TNNI3K: variants seen among roughly 807,000 people sequenced by gnomAD.
TNNI3K encodes TNNI3 interacting kinase, also known as serine/threonine-protein kinase TNNI3K.
TNNI3K carries 140 observed loss-of-function variants against 114.5 expected under a neutral mutation model. The ratio of observed to expected loss-of-function variants is 1.22; its 90% CI spans 1.07 to 1.41. TNNI3K has a LOEUF of 1.41. TNNI3K is among the 40% of genes most tolerant of loss of function. The pLI is 0.00. For synonymous variants in TNNI3K, 347 were observed against 347.5 expected (o/e 1.00, Z 0.02); for missense variants, 1,125 against 1,007.6 (o/e 1.12, Z -1.58).
At chr1:74,357,534 A>C (rs924228589) in intron 11 of TNNI3K, among the ~76,000 whole-genome samples, 1 of 152,114 alleles carries the variant, frequency 6.6e-6, no homozygotes, top group African/African-American at 2.4e-5. Context: ...AGAGTTATAT[A>C]TTCTCTTTTG....
chr1:74,474,866 G>A (rs1668112420), intron 21 of TNNI3K, among the ~76,000 whole-genome samples: 1 of 151,946 alleles, frequency 6.6e-6, no homozygotes, highest in African/African-American at 2.4e-5. Flanking sequence ...GCATTAGAGG[G>A]CCCATTCTTC....
intron 21 of TNNI3K, among the ~76,000 whole-genome samples, chr1:74,465,659 TGGTGGGCAGCTCTGCCCAC>T (rs908350890): frequency 2.9e-4 from 44 of 152,326 alleles, no homozygotes; most frequent in Middle Eastern, 3.4e-3. Context: ...GATGCAGGAC[TGGTGGGCAGCTCTGCCCAC>T]GGCCCTGGCC....
intron 23 of TNNI3K, among the ~76,000 whole-genome samples, chr1:74,496,417 A>T (rs979985078): frequency 6.6e-6 from 1 of 152,174 alleles, no homozygotes; most frequent in African/African-American, 2.4e-5. Flanking sequence ...GTATAGCATT[A>T]TGATTTTGAA....
chr1:74,533,513 A>G (rs994688944), intron 23 of TNNI3K, among the ~76,000 whole-genome samples: 56 of 152,170 alleles, frequency 3.7e-4, no homozygotes, highest in African/African-American at 1.4e-3. Context: ...GTGATTCCTC[A>G]GGGATCTAGA....
At chr1:74,264,127 T>C (rs947687348) in intron 4 of TNNI3K, among the ~76,000 whole-genome samples, 1 of 151,290 alleles carries the variant, frequency 6.6e-6, no homozygotes, top group Non-Finnish European at 1.5e-5. Flanking sequence ...AAAGCAAGGG[T>C]ACAGATAATC....
At position 74,343,682 on chromosome 1, in the gene TNNI3K, G is replaced by A. The variant is rs1037651353; in HGVS notation, c.932+503G>A. 8.5e-5 allele frequency among the ~76,000 whole-genome samples: 13 copies of A among 152,156 alleles called. 1 individual carries two copies. The highest frequency in any genetic ancestry group is 1.8e-4 in the Non-Finnish European group (12 of 68,026). ...AAAGCCTAGTCAGGGTGGCCACTCAGATACCTAAGAAAGCATCAGCTCTTC... is the reference window on the plus strand; with the variant it reads ...AAAGCCTAGTCAGGGTGGCCACTCAAATACCTAAGAAAGCATCAGCTCTTC... On this transcript the variant is annotated intron_variant, in intron 9 of 24. Coordinates refer to ENST00000326637, the MANE Select transcript of TNNI3K (RefSeq NM_015978.3).
At chr1:74,350,902 T>G (rs4480305) in intron 9 of TNNI3K, among the ~76,000 whole-genome samples, 116,131 of 151,144 alleles carry the variant, frequency 0.77, 47,648 homozygotes, top group East Asian at 0.91. Context: ...CACACTGATG[T>G]GTCTTGACTC....
chr1:74,374,322 T>C (rs780836831), intron 17 of TNNI3K: 1 of 151,932 alleles, frequency 6.6e-6, no homozygotes, highest in Non-Finnish European at 1.5e-5. Context: ...TATCACCATA[T>C]GAAAGGAGCT....
At position 74,484,037 on chromosome 1, in the gene TNNI3K, T is replaced by C. The variant is rs149365541; in HGVS notation, c.2122-5152T>C. ...TTTTTCATGTGTAAAATAGAAATAA[T>C]AAATGTCTACAGTACAGAGTATTAT... is the stretch of plus-strand genomic sequence containing the variant. On this transcript the variant is annotated intron_variant, in intron 21 of 24. Coordinates refer to ENST00000326637, the MANE Select transcript of TNNI3K (RefSeq NM_015978.3). Among the ~76,000 whole-genome samples the C allele has an allele frequency of 1.4e-3, 213 of 152,200 alleles. 1 individual carries two copies. Among genetic ancestry groups the C allele is most frequent in the Middle Eastern group, 6.8e-3 (2 of 294 alleles).
intron 2 of TNNI3K, among the ~76,000 whole-genome samples, chr1:74,248,111 G>A (rs896909209): frequency 6.6e-6 from 1 of 152,146 alleles, no homozygotes; most frequent in Non-Finnish European, 1.5e-5. Context: ...GGCTGGCAGT[G>A]CTGGGGGACC....
intron 17 of TNNI3K, among the ~76,000 whole-genome samples, chr1:74,433,796 CCA>C (rs1258939418): frequency 6.6e-6 from 1 of 152,014 alleles, no homozygotes; most frequent in African/African-American, 2.4e-5. Context: ...GACTCAAGTT[CCA>C]CAGACTCCCA....
At chr1:74,489,495 T>G (rs1668940081) in intron 22 of TNNI3K, among the ~76,000 whole-genome samples, 1 of 152,192 alleles carries the variant, frequency 6.6e-6, no homozygotes, top group South Asian at 2.1e-4. Flanking sequence ...GACACAGTCA[T>G]GCTCAGCTTA....
chr1:74,303,871 C>T (rs1658471142), intron 5 of TNNI3K, among the ~76,000 whole-genome samples: 1 of 152,042 alleles, frequency 6.6e-6, no homozygotes, highest in African/African-American at 2.4e-5. Context: ...TTGATTCCAG[C>T]CCTCAAGGAT....
intron 21 of TNNI3K, among the ~76,000 whole-genome samples, chr1:74,477,088 T>C (rs896903005): frequency 6.6e-6 from 1 of 152,158 alleles, no homozygotes; most frequent in Non-Finnish European, 1.5e-5. Flanking sequence ...ATTATGTAAA[T>C]AATAATCCTT....
At chr1:74,344,171 A>G (rs1000367205) in intron 9 of TNNI3K, among the ~76,000 whole-genome samples, 3 of 152,218 alleles carry the variant, frequency 2.0e-5, no homozygotes, top group Non-Finnish European at 4.4e-5. Flanking sequence ...CAAATTTCAC[A>G]TACATTTCCA....
At chr1:74,436,550 A>G (rs771975248) in intron 19 of TNNI3K, 24 bp downstream of exon 19, 32 of 1,580,532 alleles carry the variant, frequency 2.0e-5, no homozygotes, top group Middle Eastern at 3.4e-4. Flanking sequence ...TGTGTTTCCT[A>G]TAATTATAAA....
At chr1:74,351,030 G>T (rs1661307556) in intron 9 of TNNI3K, among the ~76,000 whole-genome samples, 1 of 151,278 alleles carries the variant, frequency 6.6e-6, no homozygotes, top group Admixed American at 6.6e-5. Context: ...TGGTTATTTT[G>T]CTCCTTAGTT....
chr1:74,355,519 A>G (rs1420921170), intron 11 of TNNI3K, among the ~76,000 whole-genome samples: 1 of 152,034 alleles, frequency 6.6e-6, no homozygotes, highest in African/African-American at 2.4e-5. Flanking sequence ...CAGGAGAATC[A>G]TTTGAACCCG....
intron 17 of TNNI3K, among the ~76,000 whole-genome samples, chr1:74,386,191 T>A (rs1663470096): frequency 6.6e-6 from 1 of 152,226 alleles, no homozygotes; most frequent in Non-Finnish European, 1.5e-5. Context: ...CAATTAAACC[T>A]CTTTCCTTTA....
Sources: allele counts gnomAD v4.1 joint callset (sites outside exome capture counted in the v4.1 genomes callset), GRCh38; gene constraint gnomAD v4.1.1; transcripts MANE v1.5; gene names NCBI Gene and HGNC (gene_info 2026-07-23, HGNC 2026-07-21).